LRRFIP2: variants seen among roughly 807,000 people sequenced by gnomAD.
LRRFIP2 encodes the protein LRR binding FLII interacting protein 2, also known as leucine-rich repeat flightless-interacting protein 2.
In LRRFIP2, 109 loss-of-function variants were observed where a neutral mutation model predicts 125.9. That is an observed-to-expected ratio of 0.87 (90% CI 0.74 to 1.01). The LOEUF (loss-of-function observed/expected upper bound fraction) is 1.01. Among genes scored for constraint, LRRFIP2 ranks in the 50% least tolerant of loss-of-function variants. The pLI is 0.00. For missense variants in LRRFIP2, 850 were observed against 862.3 expected, an observed-to-expected ratio of 0.99 and a Z score of 0.18; for synonymous variants, 291 against 293.1, an observed-to-expected ratio of 0.99 and a Z score of 0.07.
intron 1 of LRRFIP2, among the ~76,000 whole-genome samples, chr3:37,163,406 C>G (rs187717031): frequency 3.4e-4 from 52 of 152,270 alleles, no homozygotes; most frequent in Non-Finnish European, 1.5e-4. Flanking sequence ...CTGATGTATA[C>G]CACATCCTGG....
intron 2 of LRRFIP2, among the ~76,000 whole-genome samples, chr3:37,146,543 C>G (rs1397841097): frequency 6.6e-6 from 1 of 152,182 alleles, no homozygotes; most frequent in African/African-American, 2.4e-5. Context: ...TCAGCTCCCA[C>G]TTATAAGTGA....
intron 6 of LRRFIP2, among the ~76,000 whole-genome samples, chr3:37,120,469 C>T (rs2094979757): frequency 6.6e-6 from 1 of 152,052 alleles, no homozygotes; most frequent in African/African-American, 2.4e-5. Context: ...AGCTTAGTAA[C>T]TTACTCTAAA....
chr3:37,126,953 T>C (rs1287747531), intron 4 of LRRFIP2, among the ~76,000 whole-genome samples: 1 of 152,148 alleles, frequency 6.6e-6, no homozygotes, highest in African/African-American at 2.4e-5. Context: ...CAGACTACTT[T>C]GAGAATCTGA....
intron 1 of LRRFIP2, among the ~76,000 whole-genome samples, chr3:37,157,318 C>CTA (rs1356717454): frequency 7.2e-5 from 11 of 152,156 alleles, no homozygotes; most frequent in African/African-American, 2.4e-4. Context: ...TGGCACACAC[C>CTA]TATAGTCCCA....
At chr3:37,144,879 T>C (rs2095817340) in intron 2 of LRRFIP2, among the ~76,000 whole-genome samples, 1 of 152,164 alleles carries the variant, frequency 6.6e-6, no homozygotes, top group South Asian at 2.1e-4. Flanking sequence ...TTCAAGAAAT[T>C]TGAAATACAA....
intron 2 of LRRFIP2, among the ~76,000 whole-genome samples, chr3:37,141,635 T>A (rs1411812468): frequency 6.6e-6 from 1 of 152,210 alleles, no homozygotes; most frequent in East Asian, 1.9e-4. Flanking sequence ...CTTCCTCCAA[T>A]GTGTGTTAAT....
At chr3:37,061,442 C>T (rs2088683755) in intron 24 of LRRFIP2, among the ~76,000 whole-genome samples, 1 of 150,610 alleles carries the variant, frequency 6.6e-6, no homozygotes, top group Non-Finnish European at 1.5e-5. Context: ...TCTCACTCTG[C>T]CACCCAAGGC....
At chr3:37,112,203 G>A (rs911618966) in intron 8 of LRRFIP2, among the ~76,000 whole-genome samples, 1 of 152,016 alleles carries the variant, frequency 6.6e-6, no homozygotes, top group African/African-American at 2.4e-5. Flanking sequence ...AGGAAGAGTG[G>A]CACATGCCTG....
upstream of LRRFIP2, chr3:37,175,790 T>C (rs1322834893): frequency 1.3e-5 from 2 of 152,252 alleles, no homozygotes. Flanking sequence ...CCCAATTTAA[T>C]TTCTCCCACA....
intron 1 of LRRFIP2, among the ~76,000 whole-genome samples, chr3:37,171,800 C>T (rs2096590484): frequency 1.3e-5 from 2 of 152,146 alleles, no homozygotes; most frequent in African/African-American, 2.4e-5. Flanking sequence ...TTAAACTATA[C>T]ACAATGCTTT....
At chr3:37,123,256 T>G (rs1397108168) in intron 4 of LRRFIP2, among the ~76,000 whole-genome samples, 1 of 152,198 alleles carries the variant, frequency 6.6e-6, no homozygotes, top group Non-Finnish European at 1.5e-5. Flanking sequence ...TGGCGCGACC[T>G]CAGTTCATGG....
intron 21 of LRRFIP2, among the ~76,000 whole-genome samples, chr3:37,070,660 C>A (rs1249055084): frequency 6.6e-6 from 1 of 152,122 alleles, no homozygotes; most frequent in East Asian, 1.9e-4. Context: ...TGCTTGAACC[C>A]AGGAGGTTGC....
chr3:37,173,788 C>T (rs1209019875), intron 1 of LRRFIP2, among the ~76,000 whole-genome samples: 2 of 152,196 alleles, frequency 1.3e-5, no homozygotes, highest in Admixed American at 6.5e-5. Flanking sequence ...CAAGAAATTG[C>T]TCCCTCCCTC....
Position 37,111,082 on chromosome 3 carries a change from T to A in LRRFIP2, c.439-17A>T. On this transcript the variant is annotated splice_polypyrimidine_tract_variant and intron_variant, in intron 8 of 27. Coordinates refer to ENST00000336686, the MANE Select transcript of LRRFIP2 (RefSeq NM_006309.4). Reference sequence around the variant, plus strand: ...GAGGCCACTCTGCAAAAAGCAAAATTAAACACATTTTTCTTAGGCTAAATG... The same window carrying A: ...GAGGCCACTCTGCAAAAAGCAAAATAAAACACATTTTTCTTAGGCTAAATG... 6.2e-7 allele frequency: 1 copy of A among 1,607,162 alleles called. No homozygotes were observed. Among genetic ancestry groups the A allele is most frequent in the Non-Finnish European group, 8.5e-7 (1 of 1,174,408 alleles).
chr3:37,093,115 T>C (rs2093548911), intron 17 of LRRFIP2: 1 of 152,656 alleles, frequency 6.6e-6, no homozygotes. Flanking sequence ...TGGGATTACA[T>C]GGGTGACAAA....
intron 2 of LRRFIP2, among the ~76,000 whole-genome samples, chr3:37,136,956 T>TGGGGGGGTGG (rs2095569059): frequency 1.8e-5 from 2 of 111,266 alleles, no homozygotes; most frequent in African/African-American, 3.6e-5. Context: ...CTTTCTTTTT[T>TGGGGGGGTGG]GGGGGGGGTG....
chr3:37,175,260 T>C (rs904450481), upstream of LRRFIP2: 1 of 152,226 alleles, frequency 6.6e-6, no homozygotes, highest in Non-Finnish European at 1.5e-5. Flanking sequence ...TACATATCAT[T>C]TTTAGTCAAT....
intron 14 of LRRFIP2, among the ~76,000 whole-genome samples, chr3:37,103,914 TC>T (rs1444784264): frequency 6.6e-6 from 1 of 152,186 alleles, no homozygotes; most frequent in Non-Finnish European, 1.5e-5. Flanking sequence ...CAACAGGTAC[TC>T]CACAAACATT....
At chr3:37,138,205 T>G (rs1018128611) in intron 2 of LRRFIP2, among the ~76,000 whole-genome samples, 5 of 152,226 alleles carry the variant, frequency 3.3e-5, no homozygotes, top group African/African-American at 1.2e-4. Context: ...ATTCTTAAAC[T>G]TTCTGATATT....
Sources: gnomAD v4.1 joint callset for allele counts (sites outside exome capture counted in the v4.1 genomes callset) on GRCh38, gnomAD v4.1.1 for gene constraint, MANE v1.5 for transcripts, NCBI Gene and HGNC (gene_info 2026-07-23, HGNC 2026-07-21) for gene names.